CRTC3: variants seen among roughly 807,000 people sequenced by gnomAD.
CRTC3 encodes CREB regulated transcription coactivator 3.
CRTC3 carries 26 observed loss-of-function variants against 74.5 expected under a neutral mutation model. The observed-to-expected ratio is 0.35, with a 90% CI of 0.26 to 0.48. The LOEUF is 0.48. Among genes scored for constraint, CRTC3 ranks in the 20% least tolerant of loss-of-function variants. The pLI is 0.99. For synonymous variants in CRTC3, 377 were observed against 325.8 expected (o/e 1.16, Z -1.69); for missense variants, 760 against 787.3 (o/e 0.97, Z 0.41).
In CRTC3 at chr15:90,638,829, C is replaced by A; in HGVS notation, c.1548+14C>A. 1 of 1,604,246 alleles carries A rather than the reference C, an allele frequency of 6.2e-7. No homozygotes were observed. On this transcript the variant is annotated intron_variant, in intron 13 of 14. Transcript: ENST00000268184. ...TTTCCTCAACAGGTGGGTGATCGCCCCTGCCTTCTCCTCCCTTGGTGCATA... is the reference window on the plus strand; with the variant it reads ...TTTCCTCAACAGGTGGGTGATCGCCACTGCCTTCTCCTCCCTTGGTGCATA...
intron 2 of CRTC3, among the ~76,000 whole-genome samples, chr15:90,571,356 C>G (rs1193246422): frequency 6.6e-6 from 1 of 152,072 alleles, no homozygotes; most frequent in African/African-American, 2.4e-5. Flanking sequence ...AAGCTGGGAC[C>G]TGAGGGCTAT....
intron 4 of CRTC3, among the ~76,000 whole-genome samples, chr15:90,602,979 CAA>C (rs1567180322): frequency 6.7e-6 from 1 of 149,574 alleles, no homozygotes. Flanking sequence ...TCTCAAAAAA[CAA>C]AAACAAACAC....
At chr15:90,634,072 A>G (rs921468428) in intron 11 of CRTC3, among the ~76,000 whole-genome samples, 5 of 151,916 alleles carry the variant, frequency 3.3e-5, no homozygotes, top group Admixed American at 1.3e-4. Context: ...TAGAGAACAT[A>G]ATACAATAAG....
At chr15:90,604,300 C>T (rs1968159714) in intron 4 of CRTC3, 85 bp from the exon 5 acceptor site, 3 of 970,766 alleles carry the variant, frequency 3.1e-6, no homozygotes, top group African/African-American at 3.2e-5. Flanking sequence ...GTAGAAGAGC[C>T]AGTTCTCAAA....
At chr15:90,597,412 C>T (rs1335863191) in intron 3 of CRTC3, among the ~76,000 whole-genome samples, 1 of 152,198 alleles carries the variant, frequency 6.6e-6, no homozygotes, top group Non-Finnish European at 1.5e-5. Context: ...AGTTCACCAG[C>T]GTGAAGGGTC....
intron 2 of CRTC3, among the ~76,000 whole-genome samples, chr15:90,567,302 G>A (rs1465327534): frequency 1.3e-5 from 2 of 152,054 alleles, no homozygotes; most frequent in African/African-American, 4.8e-5. Context: ...GCCCACTGTT[G>A]AGACCTACTG....
At chr15:90,620,111 T>G (rs1421147840) in intron 9 of CRTC3, 1 of 304,642 alleles carries the variant, frequency 3.3e-6, no homozygotes, top group African/African-American at 2.2e-5. Flanking sequence ...GAGAGGAGCC[T>G]ACCAGCCCCG....
At chr15:90,551,938 ACACACG>A (rs775513127) in intron 2 of CRTC3, among the ~76,000 whole-genome samples, 11,033 of 30,816 alleles carry the variant, frequency 0.36, 807 homozygotes, top group Middle Eastern at 0.49. Context: ...ACGCACACAC[ACACACG>A]CACACACACA....
chr15:90,577,359 T>C (rs569009042), intron 2 of CRTC3, among the ~76,000 whole-genome samples: 1 of 152,214 alleles, frequency 6.6e-6, no homozygotes, highest in South Asian at 2.1e-4. Flanking sequence ...CAAATCAGTC[T>C]GGCAGAGAGT....
chr15:90,640,944 TTACC>T, intron 13 of CRTC3, 149 bp from the exon 14 acceptor site: 1 of 627,748 alleles, frequency 1.6e-6, no homozygotes, highest in Non-Finnish European at 2.9e-6. Context: ...TGTGCATGCA[TTACC>T]ATAAGAGCAA....
At position 90,617,899 on chromosome 15, in the gene CRTC3, C is replaced by T; in HGVS notation, c.630C>T (p.Gly210=). Reference sequence around the variant, plus strand: ...TCCCTTTAGTAGCATCTTTCCCTGGCCCATTGAAAGAAGAGAATCTGTTAA... The same window carrying T: ...TCCCTTTAGTAGCATCTTTCCCTGGTCCATTGAAAGAAGAGAATCTGTTAA... ...NGHGEVASFP[G]PLKEENLLNV... is the part of the protein sequence containing the mutation. Residue 210 remains glycine (G), a synonymous_variant, in exon 8 of 15, where the codon GGC becomes GGT. Coordinates refer to ENST00000268184, the MANE Select transcript of CRTC3 (RefSeq NM_022769.5). 6.2e-7 allele frequency: 1 copy of T among 1,611,140 alleles called. No homozygotes were observed. The highest frequency in any genetic ancestry group is 8.5e-7 in the Non-Finnish European group (1 of 1,177,470).
intron 2 of CRTC3, among the ~76,000 whole-genome samples, chr15:90,556,103 A>T (rs140425006): frequency 0.015 from 2,297 of 152,134 alleles, 52 homozygotes; most frequent in African/African-American, 0.051. Context: ...CAACCATTAT[A>T]TAATAATTAT....
At chr15:90,609,298 A>G (rs1968303042) in intron 6 of CRTC3, among the ~76,000 whole-genome samples, 1 of 152,194 alleles carries the variant, frequency 6.6e-6, no homozygotes, top group Non-Finnish European at 1.5e-5. Context: ...GGAATTGGAT[A>G]TGGGTGCACT....
chr15:90,605,378 C>G (rs1968189188), intron 5 of CRTC3, among the ~76,000 whole-genome samples: 1 of 152,194 alleles, frequency 6.6e-6, no homozygotes, highest in Non-Finnish European at 1.5e-5. Context: ...TCTCTCCAAA[C>G]CTACCTCCCA....
At chr15:90,603,269 C>T (rs1968127952) in intron 4 of CRTC3, among the ~76,000 whole-genome samples, 1 of 149,000 alleles carries the variant, frequency 6.7e-6, no homozygotes, top group East Asian at 2.0e-4. Context: ...CGGTGAAACC[C>T]CGTCTCCACT....
intron 3 of CRTC3, chr15:90,598,493 A>G (rs758636275): frequency 1.3e-4 from 94 of 702,816 alleles, no homozygotes; most frequent in Middle Eastern, 4.6e-4. Context: ...TTGAGGCAGT[A>G]ACTCGAGGAG....
At chr15:90,571,060 TA>T (rs1442517157) in intron 2 of CRTC3, among the ~76,000 whole-genome samples, 1 of 152,220 alleles carries the variant, frequency 6.6e-6, no homozygotes, top group African/African-American at 2.4e-5. Context: ...AATGTGGTTA[TA>T]TTTTTTTAAT....
intron 1 of CRTC3, among the ~76,000 whole-genome samples, chr15:90,533,345 C>G (rs1966663397): frequency 6.7e-6 from 1 of 148,594 alleles, no homozygotes; most frequent in African/African-American, 2.5e-5. Flanking sequence ...GGCGTGAACC[C>G]GGAAGGCGGA....
At chr15:90,565,162 G>C (rs1377291052) in intron 2 of CRTC3, among the ~76,000 whole-genome samples, 1 of 152,152 alleles carries the variant, frequency 6.6e-6, no homozygotes, top group Non-Finnish European at 1.5e-5. Flanking sequence ...TGGTCAGGCT[G>C]GTCTTGAACT....
Sources: gnomAD v4.1 joint callset for allele counts (sites outside exome capture counted in the v4.1 genomes callset) on GRCh38, gnomAD v4.1.1 for gene constraint, MANE v1.5 for transcripts, NCBI Gene and HGNC (gene_info 2026-07-23, HGNC 2026-07-21) for gene names.